DNAH10: variants seen among roughly 807,000 people sequenced by gnomAD.
The protein encoded by DNAH10 is axonemal beta dynein heavy chain 10.
Under a neutral mutation model 506.6 loss-of-function variants are expected in DNAH10, and 348 were observed. The observed-to-expected ratio is 0.69, with a 90% confidence interval of 0.63 to 0.75. The LOEUF (loss-of-function observed/expected upper bound fraction) is 0.75. Ranked by LOEUF, DNAH10 falls within the 30% of genes least tolerant of loss-of-function variation. DNAH10 has a pLI of 0.00. For missense variants in DNAH10, 5,179 were observed against 5,787.1 expected, an observed-to-expected ratio of 0.89 and a Z score of 3.41; for synonymous variants, 2,059 against 2,198.6, an observed-to-expected ratio of 0.94 and a Z score of 1.78.
At chr12:123,929,604 AT>A in intron 71 of DNAH10, 59 bp from the exon 72 acceptor site, 2 of 1,579,540 alleles carry the variant, frequency 1.3e-6, no homozygotes, top group Non-Finnish European at 1.7e-6. Flanking sequence ...TCAGAAAAGT[AT>A]CAGAATGTGA....
chr12:123,867,120 C>A (rs1951842950), intron 41 of DNAH10, among the ~76,000 whole-genome samples: 1 of 150,848 alleles, frequency 6.6e-6, no homozygotes, highest in African/African-American at 2.4e-5. Context: ...AGGGAGGGGA[C>A]CTTCACTGCT....
intron 18 of DNAH10, 36 bp downstream of exon 18, chr12:123,805,076 G>C: frequency 6.2e-7 from 1 of 1,604,942 alleles, no homozygotes; most frequent in Non-Finnish European, 8.5e-7. Context: ...AAAATGGTGT[G>C]TGTAGATTAA....
intron 2 of DNAH10, among the ~76,000 whole-genome samples, chr12:123,768,077 G>A (rs1957114534): frequency 6.6e-6 from 1 of 151,896 alleles, no homozygotes; most frequent in East Asian, 1.9e-4. Context: ...ATCGTCACAT[G>A]GCCTTGTCCC....
In DNAH10 at chr12:123,879,739, G is replaced by A. The variant is rs191652249; in HGVS notation, c.8572G>A (p.Glu2858Lys). The A allele has an allele frequency of 7.4e-6, 12 of 1,614,022 alleles. No individual in the cohort carries two copies. Among genetic ancestry groups the A allele is most frequent in the East Asian group, 2.2e-5 (1 of 44,886 alleles). The part of the protein sequence containing the change: ...LFGDFQMALH[E>K]GEPRIYEDIQ... ...TGGAGACTTCCAGATGGCTCTGCAC[G>A]AAGGAGAACCACGCATTTATGAAGA... Residue 2858 changes from glutamate to lysine, a missense_variant, in exon 50 of 79, where the codon GAA becomes AAA. Physicochemically the swap from Glu to Lys is moderately conservative, Grantham distance 56. This residue lies in a region of DNAH10 where 4,844 missense variants were observed against 5,430.5 expected (regional missense o/e 0.89). Transcript: ENST00000673944.
chr12:123,865,911 G>A (rs779107797), intron 40 of DNAH10, 40 bp from the exon 41 acceptor site: 3 of 1,564,500 alleles, frequency 1.9e-6, no homozygotes, highest in Admixed American at 4.1e-5. Flanking sequence ...TTTATCTTGT[G>A]TATAGCTATA....
intron 74 of DNAH10, 25 bp from the exon 75 acceptor site, chr12:123,931,607 GCTTT>G (rs1566124649): frequency 1.2e-6 from 2 of 1,611,342 alleles, no homozygotes; most frequent in Non-Finnish European, 1.7e-6. Flanking sequence ...TGGATGCCTT[GCTTT>G]CTCTGAAAAG....
chr12:123,796,474 A>C (rs1958281287), intron 12 of DNAH10, among the ~76,000 whole-genome samples, 182 bp from the exon 13 acceptor site: 1 of 147,484 alleles, frequency 6.8e-6, no homozygotes, highest in Admixed American at 6.7e-5. Flanking sequence ...ACAACAACAA[A>C]AAGATTACTA....
At chr12:123,812,791 C>T (rs373186001) in intron 19 of DNAH10, among the ~76,000 whole-genome samples, 9 of 152,160 alleles carry the variant, frequency 5.9e-5, no homozygotes, top group South Asian at 2.1e-4. Flanking sequence ...TGATGGGTGG[C>T]GGCTGGGGTT....
chr12:123,845,652 G>C lies in DNAH10; in HGVS notation c.5413G>C (p.Val1805Leu). ...CATGGTGGTGCTGGCCGCTAGCCAG[G>C]TGTGGTGGACCTGGGAGGTGGAAGA... ...QGMVVLAASQVWWTWEVEDVF... is the reference protein window; with the variant it reads ...QGMVVLAASQLWWTWEVEDVF... Residue 1805 changes from valine (V) to leucine (L), a missense_variant, in exon 31 of 79, where the codon GTG becomes CTG. Val to Leu is a conservative substitution (Grantham distance 32). Transcript: ENST00000673944. 1.2e-6 allele frequency: 2 copies of C among 1,613,786 alleles called. No homozygotes were observed. Among genetic ancestry groups the C allele is most frequent in the Non-Finnish European group, 1.7e-6 (2 of 1,179,890 alleles).
At chr12:123,844,040 T>G (rs1219490867) in intron 30 of DNAH10, among the ~76,000 whole-genome samples, 1 of 152,244 alleles carries the variant, frequency 6.6e-6, no homozygotes, top group Non-Finnish European at 1.5e-5. Flanking sequence ...AAAGGTTTAA[T>G]TGACTCACAG....
chr12:123,803,097 A>G (rs946040881), intron 16 of DNAH10, among the ~76,000 whole-genome samples: 1 of 151,936 alleles, frequency 6.6e-6, no homozygotes, highest in African/African-American at 2.4e-5. Flanking sequence ...CAGTGTATCA[A>G]TTTTTCCTTT....
rs1195662014 is a variant in DNAH10 at position 123,808,903 on chromosome 12, A to G, written c.3094A>G (p.Ile1032Val). Residue 1032 changes from isoleucine to valine, a missense_variant, in exon 19 of 79, where the codon ATC becomes GTC. Ile to Val is a conservative substitution (Grantham distance 29). Transcript: ENST00000673944. ...EIILHPNTNEIDKMCFHCVRN... is the reference protein window; with the variant it reads ...EIILHPNTNEVDKMCFHCVRN... ...CATCCTTCATCCCAACACAAATGAG[A>G]TCGACAAGATGTGCTTCCATTGTGT... 15 of 1,614,012 alleles carry G rather than the reference A, an allele frequency of 9.3e-6. No homozygotes were observed. The highest frequency in any genetic ancestry group is 2.2e-5 in the South Asian group (2 of 91,082).
At chr12:123,766,310 T>C (rs1957047929) in intron 1 of DNAH10, among the ~76,000 whole-genome samples, 1 of 152,172 alleles carries the variant, frequency 6.6e-6, no homozygotes, top group Non-Finnish European at 1.5e-5. Flanking sequence ...CCTACCTACC[T>C]ACCTGCTTGT....
At position 123,875,206 on chromosome 12, in the gene DNAH10, C is replaced by G. The variant is rs528876539; in HGVS notation, c.7939-25C>G. On this transcript the variant is annotated intron_variant, in intron 46 of 78. Transcript: ENST00000673944. ...TCCTACTTTGCGATACTACTGTTCTCTTTTCTTTTTTAAAAAAAATCAAGG... is the reference window on the plus strand; with the variant it reads ...TCCTACTTTGCGATACTACTGTTCTGTTTTCTTTTTTAAAAAAAATCAAGG... 6 of 1,588,280 alleles carry G rather than the reference C, an allele frequency of 3.8e-6. No homozygotes were observed. The South Asian group carries it at 4.6e-5, about 12-fold the overall frequency.
chr12:123,764,786 T>C (rs1228501169), intron 1 of DNAH10, among the ~76,000 whole-genome samples: 4 of 152,074 alleles, frequency 2.6e-5, no homozygotes, highest in Non-Finnish European at 5.9e-5. Context: ...CCTTCTCCAC[T>C]ATCACCTCAT....
At chr12:123,889,899 T>C (rs1594297763) in intron 52 of DNAH10, among the ~76,000 whole-genome samples, 1 of 152,318 alleles carries the variant, frequency 6.6e-6, no homozygotes, top group East Asian at 1.9e-4. Flanking sequence ...CTTGGCTCTT[T>C]AGCTCGCTGG....
In DNAH10 at chr12:123,765,920, T is replaced by C. The variant is rs59461505; in HGVS notation, c.215-1686T>C. 1.3e-3 allele frequency among the ~76,000 whole-genome samples: 199 copies of C among 152,068 alleles called. 6 individuals are homozygous for C. In the East Asian group the frequency reaches 0.035, roughly 27 times the overall value. On this transcript the variant is annotated intron_variant, in intron 1 of 78. Transcript: ENST00000673944. Reference sequence around the variant, plus strand: ...ATTACCTATACATCTATCCCTCTATTATCTACGTGCCAACTGACCAATCTG... The same window carrying C: ...ATTACCTATACATCTATCCCTCTATCATCTACGTGCCAACTGACCAATCTG...
rs189347302 is a variant in DNAH10 at position 123,843,539 on chromosome 12, A to C, written c.5360+1994A>C. Among the ~76,000 whole-genome samples, 31 of 152,234 alleles carry C rather than the reference A, an allele frequency of 2.0e-4. No homozygotes were observed. In the East Asian group the frequency reaches 5.6e-3, roughly 28 times the overall value. On this transcript the variant is annotated intron_variant, in intron 30 of 78. Transcript: ENST00000673944. ...CACACAATTTTAAAATAAAACAACA[A>C]AGGTCAATGTTATTTTTATTGCTTT...
chr12:123,839,306 A>G (rs572328644), intron 29 of DNAH10, among the ~76,000 whole-genome samples: 14 of 152,076 alleles, frequency 9.2e-5, no homozygotes, highest in Non-Finnish European at 1.8e-4. Flanking sequence ...TAGCACATGG[A>G]CTCTAGAACC....
Sources: allele counts gnomAD v4.1 joint callset (sites outside exome capture counted in the v4.1 genomes callset), GRCh38; gene constraint gnomAD v4.1.1; regional missense constraint gnomAD v4.1.1; transcripts MANE v1.5; gene names NCBI Gene and HGNC (gene_info 2026-07-23, HGNC 2026-07-21).